The following VAMP7 variants were observed in gnomAD, a reference collection of about 807,000 sequenced individuals.
VAMP7 encodes the protein vesicle-associated membrane protein 7.
VAMP7 carries 14 observed loss-of-function variants against 29.6 expected under a neutral mutation model. That is an observed-to-expected ratio of 0.47 (90% confidence interval 0.31 to 0.74). The LOEUF is 0.74. Among genes scored for constraint, VAMP7 ranks in the 30% least tolerant of loss-of-function variants. The probability of loss-of-function intolerance (pLI) is 0.05; values close to 1 mark genes in which losing one functional copy is unlikely to be tolerated. For synonymous variants in VAMP7, 95 were observed against 88.1 expected, an observed-to-expected ratio of 1.08 and a Z score of -0.44; for missense variants, 223 against 262.4, an observed-to-expected ratio of 0.85 and a Z score of 1.04.
Position 155,942,010 on chromosome X carries a change from A to T in VAMP7, c.*59A>T, listed in dbSNP as rs372687315. The stretch of plus-strand genomic sequence containing the variant: ...GAGAACAAGGAGTTAAAAGCAATCC[A>T]TGTGACTCAAGCCTTTCACATACTG... On this transcript the variant is annotated 3_prime_UTR_variant, in exon 8 of 8. Transcript: ENST00000286448. 4.7e-5 allele frequency: 76 copies of T among 1,613,324 alleles called. No homozygotes were observed. The African/African-American group carries it at 9.3e-4, about 20-fold the overall frequency.
At position 155,929,109 on chromosome X, in the gene VAMP7, T is replaced by C. The variant is rs373345512; in HGVS notation, c.501+9229T>C. Among the ~76,000 whole-genome samples, 9 of 152,322 alleles carry C rather than the reference T, an allele frequency of 5.9e-5. 1 individual carries two copies. The highest frequency in any genetic ancestry group is 2.2e-4 in the African/African-American group (9 of 41,592). ...TTAAGATCATTTTCTCTCAAAATTCTCTGAATATTGCTGCATTTCAGTGCA... is the reference window on the plus strand; with the variant it reads ...TTAAGATCATTTTCTCTCAAAATTCCCTGAATATTGCTGCATTTCAGTGCA... On this transcript the variant is annotated intron_variant, in intron 6 of 7. Coordinates refer to ENST00000286448, the MANE Select transcript of VAMP7 (RefSeq NM_005638.6).
At position 155,917,438 on chromosome X, in the gene VAMP7, C is replaced by T. The variant is rs187578007; in HGVS notation, c.434-2375C>T. On this transcript the variant is annotated intron_variant, in intron 5 of 7. Coordinates refer to ENST00000286448, the MANE Select transcript of VAMP7 (RefSeq NM_005638.6). ...TTTTGCACTGGTTTTTCCTCATCTT[C>T]ATGGATTTATCTACCTTTGGTCTTT... 3.5e-3 allele frequency among the ~76,000 whole-genome samples: 540 copies of T among 152,266 alleles called. 3 individuals carry two copies. The highest frequency in any genetic ancestry group is 6.2e-3 in the Non-Finnish European group (422 of 68,012).
intron 5 of VAMP7, among the ~76,000 whole-genome samples, chrX:155,906,599 C>G (rs775179052): frequency 6.6e-6 from 1 of 152,094 alleles, no homozygotes; most frequent in Admixed American, 6.5e-5. Context: ...GAATTTTTCT[C>G]TTTCATTTTC....
chrX:155,911,129 GGTCCA>G (rs2066231414), intron 5 of VAMP7, among the ~76,000 whole-genome samples: 1 of 152,084 alleles, frequency 6.6e-6, no homozygotes, highest in Admixed American at 6.6e-5. Flanking sequence ...GAGAGACAGA[GGTCCA>G]GTTTAATTCT....
chrX:155,940,666 C>T (rs1161256848), intron 7 of VAMP7, among the ~76,000 whole-genome samples: 2 of 152,068 alleles, frequency 1.3e-5, no homozygotes. Context: ...TCAATCTTTG[C>T]GAAAAGGTGT....
At chrX:155,933,488 T>C (rs1411059381) in intron 6 of VAMP7, among the ~76,000 whole-genome samples, 17 of 152,254 alleles carry the variant, frequency 1.1e-4, no homozygotes, top group African/African-American at 3.4e-4. Context: ...AGTTTATTTG[T>C]GTAGAGGTGT....
chrX:155,903,712 A>G (rs1373180359), intron 5 of VAMP7, among the ~76,000 whole-genome samples: 3 of 152,168 alleles, frequency 2.0e-5, no homozygotes, highest in Non-Finnish European at 4.4e-5. Context: ...AACAACAGTT[A>G]CTGGAGAGGA....
At chrX:155,895,775 C>T in intron 3 of VAMP7, 95 bp downstream of exon 3, 6 of 1,048,160 alleles carry the variant, frequency 5.7e-6, no homozygotes, top group Non-Finnish European at 8.8e-6. Flanking sequence ...AACCCCCAGG[C>T]TGCAGACCGG....
chrX:155,919,911 G>T lies in VAMP7; in HGVS notation c.501+31G>T, dbSNP rs761502857. The T allele has an allele frequency of 6.5e-6, 10 of 1,535,242 alleles. No individual in the cohort carries two copies. The East Asian group carries it at 2.0e-4, about 31-fold the overall frequency. ...TATGGAATCTGATAATATGGAGTCT[G>T]ATGTAAAGTGGAGAAACTATGGATG... is the stretch of plus-strand genomic sequence containing the variant. On this transcript the variant is annotated intron_variant, in intron 6 of 7. Transcript: ENST00000286448.
intron 5 of VAMP7, among the ~76,000 whole-genome samples, chrX:155,901,586 A>G (rs1291336479): frequency 1.3e-5 from 2 of 152,134 alleles, no homozygotes; most frequent in African/African-American, 2.4e-5. Context: ...AGCTTTCTAC[A>G]TATGGCTAGC....
intron 5 of VAMP7, among the ~76,000 whole-genome samples, chrX:155,918,525 G>A (rs1010241365): frequency 3.3e-5 from 5 of 151,716 alleles, no homozygotes; most frequent in African/African-American, 9.7e-5. Flanking sequence ...CATTCCTCAC[G>A]GCACGGTCCC....
chrX:155,891,536 G>T (rs1176854221), intron 2 of VAMP7, among the ~76,000 whole-genome samples: 1 of 152,158 alleles, frequency 6.6e-6, no homozygotes, highest in Admixed American at 6.5e-5. Flanking sequence ...GGTGAAATAA[G>T]AAAAGGATCA....
intron 6 of VAMP7, among the ~76,000 whole-genome samples, chrX:155,936,685 CGGT>C (rs1569452357): frequency 6.6e-6 from 1 of 152,174 alleles, no homozygotes; most frequent in African/African-American, 2.4e-5. Context: ...GGCTCACGCT[CGGT>C]GGGCTGCACC....
intron 5 of VAMP7, among the ~76,000 whole-genome samples, chrX:155,904,033 T>G (rs1024218177): frequency 2.6e-5 from 4 of 151,800 alleles, no homozygotes; most frequent in African/African-American, 4.8e-5. Context: ...CCATAAAAAA[T>G]GATGAGTTCA....
chrX:155,909,392 G>T (rs958146209), intron 5 of VAMP7, among the ~76,000 whole-genome samples: 3 of 152,016 alleles, frequency 2.0e-5, no homozygotes, highest in African/African-American at 7.3e-5. Context: ...CTACGTAAAG[G>T]TTTGTCAATT....
intron 1 of VAMP7, among the ~76,000 whole-genome samples, chrX:155,888,200 C>G (rs1185609963): frequency 6.6e-6 from 1 of 152,154 alleles, no homozygotes; most frequent in African/African-American, 2.4e-5. Flanking sequence ...TGCTGTCCTT[C>G]CATGCTGGGA....
At chrX:155,924,420 A>T (rs996613217) in intron 6 of VAMP7, among the ~76,000 whole-genome samples, 9 of 151,980 alleles carry the variant, frequency 5.9e-5, no homozygotes, top group African/African-American at 2.2e-4. Flanking sequence ...CTTAACAAAA[A>T]CTCTGTAACC....
intron 6 of VAMP7, among the ~76,000 whole-genome samples, chrX:155,928,321 A>G (rs1042905008): frequency 5.9e-5 from 9 of 152,104 alleles, no homozygotes; most frequent in Admixed American, 3.3e-4. Flanking sequence ...ATTATCACAA[A>G]CTTGGTGGCT....
At chrX:155,914,676 G>A (rs1435361724) in intron 5 of VAMP7, among the ~76,000 whole-genome samples, 16 of 152,202 alleles carry the variant, frequency 1.1e-4, no homozygotes, top group Admixed American at 3.3e-4. Flanking sequence ...ATTGATTTGC[G>A]TATGTTGAAC....
Sources: gnomAD v4.1 joint callset for allele counts (sites outside exome capture counted in the v4.1 genomes callset) on GRCh38, gnomAD v4.1.1 for gene constraint, MANE v1.5 for transcripts, NCBI Gene and HGNC (gene_info 2026-07-23, HGNC 2026-07-21) for gene names.